Variants in KIAA1549 observed in about 807,000 individuals in gnomAD.
KIAA1549 encodes KIAA1549.
In KIAA1549, 70 loss-of-function variants were observed where a neutral mutation model predicts 156.4. The observed-to-expected ratio is 0.45, with a 90% CI of 0.37 to 0.55. The LOEUF is 0.55. KIAA1549 is among the 20% of genes least tolerant of loss of function. KIAA1549 has a pLI of 0.00. For missense variants in KIAA1549, 2,428 were observed against 2,540.9 expected, an observed-to-expected ratio of 0.96 and a Z score of 0.96; for synonymous variants, 1,103 against 1,066.4, an observed-to-expected ratio of 1.03 and a Z score of -0.67.
chr7:138,884,537 C>CA (rs1431531316), intron 10 of KIAA1549, among the ~76,000 whole-genome samples: 2 of 152,050 alleles, frequency 1.3e-5, no homozygotes, highest in Admixed American at 6.5e-5. Flanking sequence ...AATAAGATAC[C>CA]AAATTATAAA....
At chr7:138,961,027 C>A (rs890616375) in intron 1 of KIAA1549, among the ~76,000 whole-genome samples, 4 of 152,210 alleles carry the variant, frequency 2.6e-5, no homozygotes, top group Non-Finnish European at 4.4e-5. Flanking sequence ...GACAGAAGGG[C>A]CCCTTGCAGG....
chr7:138,908,369 G>C (rs941653015), intron 5 of KIAA1549, among the ~76,000 whole-genome samples: 4 of 152,174 alleles, frequency 2.6e-5, no homozygotes, highest in African/African-American at 7.2e-5. Flanking sequence ...TGAACAAAAA[G>C]CTTAAAAATT....
intron 1 of KIAA1549, among the ~76,000 whole-genome samples, chr7:138,949,785 A>G (rs1437024350): frequency 6.6e-6 from 1 of 152,246 alleles, no homozygotes; most frequent in African/African-American, 2.4e-5. Context: ...AGGACTGGCT[A>G]TGACACGCCA....
intron 1 of KIAA1549, among the ~76,000 whole-genome samples, chr7:138,939,187 G>A (rs1813103177): frequency 6.6e-6 from 1 of 151,934 alleles, no homozygotes; most frequent in Non-Finnish European, 1.5e-5. Flanking sequence ...CTCTGATAAG[G>A]ACTTTAAAAA....
chr7:138,872,348 A>C (rs1470017189), intron 12 of KIAA1549, among the ~76,000 whole-genome samples: 1 of 151,068 alleles, frequency 6.6e-6, no homozygotes. Context: ...CTTAAAAACT[A>C]ATCAGAACTG....
intron 19 of KIAA1549, among the ~76,000 whole-genome samples, chr7:138,839,634 T>C (rs190071403): frequency 4.0e-4 from 61 of 152,190 alleles, no homozygotes; most frequent in African/African-American, 1.4e-3. Flanking sequence ...AAAAATTATA[T>C]ACTTCCTAAA....
chr7:138,902,333 C>T (rs1239892719), intron 8 of KIAA1549, among the ~76,000 whole-genome samples: 2 of 152,178 alleles, frequency 1.3e-5, no homozygotes, highest in Admixed American at 1.3e-4. Context: ...TCATTTGCGT[C>T]TTTTTCTCTA....
At chr7:138,958,789 A>C (rs1813749138) in intron 1 of KIAA1549, among the ~76,000 whole-genome samples, 1 of 152,212 alleles carries the variant, frequency 6.6e-6, no homozygotes, top group Non-Finnish European at 1.5e-5. Context: ...TGATCCAAAC[A>C]AACCAGTATG....
Position 138,909,091 on chromosome 7 carries a change from G to C in KIAA1549, c.3176C>G (p.Thr1059Ser). The C allele has an allele frequency of 6.2e-7, 1 of 1,613,856 alleles. No individual in the cohort carries two copies. Among genetic ancestry groups the C allele is most frequent in the Non-Finnish European group, 8.5e-7 (1 of 1,179,824 alleles). The change falls in exon 5 of 20, where the codon ACT becomes AGT. Residue 1059 changes from threonine to serine, a missense_variant. By Grantham distance (58) the Thr-to-Ser change is moderately conservative. This residue lies in a region of KIAA1549 where 762 missense variants were observed against 901.6 expected (regional missense o/e 0.85). Transcript: ENST00000422774. ...GCGCTGGGTGAAGTTGCAGAAGCCA[G>C]TATCCACACTCGGAGGCACAAACTG... ...VLQFVPPSVD[T>S]GFCNFTQRIE...
intron 1 of KIAA1549, among the ~76,000 whole-genome samples, chr7:138,949,084 T>C (rs992042990): frequency 1.3e-5 from 2 of 152,216 alleles, no homozygotes; most frequent in African/African-American, 2.4e-5. Flanking sequence ...ATTTCTTACC[T>C]GCTTGTGTTT....
rs191764529 is a variant in KIAA1549 at position 138,840,890 on chromosome 7, C to T, written c.5453-612G>A. Among the ~76,000 whole-genome samples, 3 of 152,282 alleles carry T rather than the reference C, an allele frequency of 2.0e-5. No individual in the cohort carries two copies. In the East Asian group the frequency reaches 5.8e-4, roughly 29 times the overall value. On this transcript the variant is annotated intron_variant, in intron 18 of 19. Coordinates refer to ENST00000422774, the MANE Select transcript of KIAA1549 (RefSeq NM_001164665.2). ...ACACCCTGTCAGAAGACACTGTCAG[C>T]TCTGATCACTGCACTCCTTAAGGAC... is the stretch of plus-strand genomic sequence containing the variant.
intron 10 of KIAA1549, among the ~76,000 whole-genome samples, chr7:138,893,695 T>C (rs574770660): frequency 7.2e-5 from 11 of 152,334 alleles, no homozygotes; most frequent in African/African-American, 1.9e-4. Flanking sequence ...AACTGACCAA[T>C]GGAGTTGTAC....
chr7:138,894,505 G>A lies in KIAA1549; in HGVS notation c.3869C>T (p.Pro1290Leu), dbSNP rs984290862. 6 of 1,613,938 alleles carry A rather than the reference G, an allele frequency of 3.7e-6. No individual in the cohort carries two copies. Among genetic ancestry groups the A allele is most frequent in the Middle Eastern group, 1.6e-4 (1 of 6,062 alleles). The change falls in exon 10 of 20, where the codon CCG becomes CTG. Residue 1290 changes from proline (P) to leucine (L), a missense_variant. Pro to Leu is a moderately conservative substitution (Grantham distance 98). Around this residue, in one of 5 missense-constraint regions of KIAA1549, gnomAD observed 762 missense variants for 901.6 expected, o/e 0.85. Coordinates refer to ENST00000422774, the MANE Select transcript of KIAA1549 (RefSeq NM_001164665.2). ...GTTGTTGCTCTGGGATTCCGGAGAC[G>A]GCCTCTTCACCCTGTCGACAGCTGC... is the stretch of plus-strand genomic sequence containing the variant. ...IAQPVDRVKR[P>L]SPESQSNNLW...
At chr7:138,927,115 T>A (rs1237504315) in intron 1 of KIAA1549, among the ~76,000 whole-genome samples, 1 of 152,198 alleles carries the variant, frequency 6.6e-6, no homozygotes, top group Non-Finnish European at 1.5e-5. Context: ...TCCGTATTGG[T>A]TTTCTAATCT....
chr7:138,839,438 A>G (rs1023632502), intron 19 of KIAA1549, among the ~76,000 whole-genome samples: 5 of 152,208 alleles, frequency 3.3e-5, no homozygotes, highest in Non-Finnish European at 7.3e-5. Flanking sequence ...AATGTCCCCA[A>G]CTGTGTGCTT....
chr7:138,908,202 C>T lies in KIAA1549; in HGVS notation c.3276+789G>A, dbSNP rs75598074. ...AACTAACAGCACGAAAGCAAAGCACCGAGATCAACATGCAGAGCAAGGACT... is the reference window on the plus strand; with the variant it reads ...AACTAACAGCACGAAAGCAAAGCACTGAGATCAACATGCAGAGCAAGGACT... On this transcript the variant is annotated intron_variant, in intron 5 of 19. Transcript: ENST00000422774. 1.1e-4 allele frequency among the ~76,000 whole-genome samples: 16 copies of T among 152,182 alleles called. No homozygotes were observed. The East Asian group carries it at 2.7e-3, about 26-fold the overall frequency.
chr7:138,843,475 C>A (rs1809981122), intron 18 of KIAA1549, among the ~76,000 whole-genome samples: 1 of 152,120 alleles, frequency 6.6e-6, no homozygotes, highest in South Asian at 2.1e-4. Context: ...TGGCAATTTT[C>A]AGACAAATAC....
At chr7:138,940,385 G>A (rs1331923608) in intron 1 of KIAA1549, among the ~76,000 whole-genome samples, 3 of 150,920 alleles carry the variant, frequency 2.0e-5, no homozygotes, top group Admixed American at 6.6e-5. Flanking sequence ...TGGTGTATAT[G>A]TGCCACATTT....
intron 5 of KIAA1549, 140 bp downstream of exon 5, chr7:138,908,851 A>G (rs1025723472): frequency 2.0e-6 from 2 of 984,362 alleles, no homozygotes; most frequent in African/African-American, 1.6e-5. Flanking sequence ...CTTACGCCAC[A>G]GGAATAGATC....
Sources: allele counts gnomAD v4.1 joint callset (sites outside exome capture counted in the v4.1 genomes callset), GRCh38; gene constraint gnomAD v4.1.1; regional missense constraint gnomAD v4.1.1; transcripts MANE v1.5; gene names NCBI Gene and HGNC (gene_info 2026-07-23, HGNC 2026-07-21).